Variants in NRG1 observed in about 807,000 individuals in gnomAD.
NRG1 encodes the protein neuregulin 1.
A neutral mutation model predicts 63.8 loss-of-function variants in NRG1; 18 were observed. The ratio of observed to expected loss-of-function variants is 0.28; its 90% CI spans 0.19 to 0.42. The LOEUF (loss-of-function observed/expected upper bound fraction) is 0.42, where lower values mean the gene tolerates loss of function less well. NRG1 is among the 10% of genes least tolerant of loss of function. NRG1 has a pLI of 1.00. For synonymous variants in NRG1, 302 were observed against 301.3 expected, an observed-to-expected ratio of 1.00 and a Z score of -0.02; for missense variants, 762 against 814.7, an observed-to-expected ratio of 0.94 and a Z score of 0.79.
At chr8:32,003,881 C>T (rs564464063) in intron 1 of NRG1, among the ~76,000 whole-genome samples, 17 of 151,478 alleles carry the variant, frequency 1.1e-4, no homozygotes, top group East Asian at 5.9e-4. Flanking sequence ...GAAGATAATA[C>T]GTTACTAAAG....
intron 1 of NRG1, among the ~76,000 whole-genome samples, chr8:31,659,433 C>G (rs2130927530): frequency 6.6e-6 from 1 of 152,246 alleles, no homozygotes; most frequent in East Asian, 1.9e-4. Context: ...AACCATGCGA[C>G]AAGAGGTGAT....
chr8:32,449,016 C>A (rs559175981), intron 1 of NRG1, among the ~76,000 whole-genome samples: 1 of 152,050 alleles, frequency 6.6e-6, no homozygotes, highest in Non-Finnish European at 1.5e-5. Flanking sequence ...AGCCATCGGC[C>A]GGGCATGATG....
chr8:32,139,892 G>A (rs1381079273), intron 1 of NRG1, among the ~76,000 whole-genome samples: 1 of 152,214 alleles, frequency 6.6e-6, no homozygotes, highest in Non-Finnish European at 1.5e-5. Context: ...GCTTCTGAAA[G>A]AGGTTCCTAA....
intron 1 of NRG1, among the ~76,000 whole-genome samples, chr8:32,522,939 C>G (rs937694612): frequency 6.6e-6 from 1 of 151,822 alleles, no homozygotes; most frequent in Non-Finnish European, 1.5e-5. Flanking sequence ...GTAGCTAGGA[C>G]TATAGGTGCC....
chr8:31,871,059 T>A (rs1829437197), intron 1 of NRG1, among the ~76,000 whole-genome samples: 1 of 151,838 alleles, frequency 6.6e-6, no homozygotes, highest in Non-Finnish European at 1.5e-5. Flanking sequence ...TCCCTGCAAT[T>A]TCTACCTCCT....
chr8:32,244,212 A>C (rs548835558), intron 1 of NRG1, among the ~76,000 whole-genome samples: 73 of 152,272 alleles, frequency 4.8e-4, no homozygotes, highest in African/African-American at 1.7e-3. Context: ...TAGACTTGCT[A>C]TCTTTATATT....
At chr8:32,010,617 GTCAA>G (rs1260247500) in intron 1 of NRG1, among the ~76,000 whole-genome samples, 1 of 151,992 alleles carries the variant, frequency 6.6e-6, no homozygotes, top group Non-Finnish European at 1.5e-5. Flanking sequence ...TGCTTAAAGT[GTCAA>G]TCAGTCAAAT....
chr8:32,647,754 G>A (rs769570588), intron 5 of NRG1: 15 of 1,594,976 alleles, frequency 9.4e-6, no homozygotes, highest in Non-Finnish European at 1.0e-5. Context: ...TGAGGTCGCC[G>A]CCGAGAGGTC....
chr8:32,140,229 G>T (rs1252125894), intron 1 of NRG1, among the ~76,000 whole-genome samples: 1 of 152,078 alleles, frequency 6.6e-6, no homozygotes, highest in Non-Finnish European at 1.5e-5. Flanking sequence ...TCTCTTTAAT[G>T]TCTGCAATGT....
At chr8:31,809,158 C>A (rs983799242) in intron 1 of NRG1, among the ~76,000 whole-genome samples, 2 of 151,470 alleles carry the variant, frequency 1.3e-5, no homozygotes, top group African/African-American at 2.4e-5. Flanking sequence ...AAGTAATATA[C>A]CTGTTTTTAT....
At chr8:32,740,497 A>G (rs1826073710) in intron 6 of NRG1, among the ~76,000 whole-genome samples, 1 of 151,986 alleles carries the variant, frequency 6.6e-6, no homozygotes, top group African/African-American at 2.4e-5. Flanking sequence ...GCGCCCGGCC[A>G]AGCTTATACT....
intron 1 of NRG1, among the ~76,000 whole-genome samples, chr8:31,706,550 G>A (rs1274160245): frequency 2.0e-5 from 3 of 152,068 alleles, no homozygotes; most frequent in Non-Finnish European, 4.4e-5. Flanking sequence ...TTATACAGTA[G>A]GATAATTTCC....
At chr8:31,932,097 C>T (rs572565676) in intron 1 of NRG1, among the ~76,000 whole-genome samples, 2 of 151,636 alleles carry the variant, frequency 1.3e-5, no homozygotes, top group East Asian at 3.9e-4. Flanking sequence ...CAGCCCCCCA[C>T]CCACTCAATT....
At chr8:32,375,485 T>C (rs1809503951) in intron 1 of NRG1, among the ~76,000 whole-genome samples, 1 of 152,162 alleles carries the variant, frequency 6.6e-6, no homozygotes, top group African/African-American at 2.4e-5. Flanking sequence ...CTCGGGAAAT[T>C]CAAATCTGTT....
intron 1 of NRG1, among the ~76,000 whole-genome samples, chr8:31,739,640 T>C (rs1815064561): frequency 6.6e-6 from 1 of 151,988 alleles, no homozygotes; most frequent in Non-Finnish European, 1.5e-5. Context: ...AGACATGGAG[T>C]AGCAAGAAAA....
chr8:31,846,641 A>T (rs747234393), intron 1 of NRG1, among the ~76,000 whole-genome samples: 4 of 152,208 alleles, frequency 2.6e-5, no homozygotes, highest in Non-Finnish European at 5.9e-5. Context: ...CATAATGTAC[A>T]ATGGAATGTG....
intron 1 of NRG1, among the ~76,000 whole-genome samples, chr8:32,177,419 G>A (rs997366800): frequency 3.9e-5 from 6 of 151,968 alleles, no homozygotes; most frequent in African/African-American, 1.5e-4. Context: ...CATGGCACAT[G>A]TATACATATG....
chr8:31,875,669 A>G (rs2129612090), intron 1 of NRG1, among the ~76,000 whole-genome samples: 1 of 152,300 alleles, frequency 6.6e-6, no homozygotes, highest in Admixed American at 6.5e-5. Flanking sequence ...CAAGAAGCAC[A>G]GTTTGATAGA....
At chr8:31,953,325 A>G (rs941419613) in intron 1 of NRG1, among the ~76,000 whole-genome samples, 33 of 152,216 alleles carry the variant, frequency 2.2e-4, no homozygotes, top group African/African-American at 8.0e-4. Context: ...AAATGTTACC[A>G]TCTGAGTATA....
Sources: allele counts gnomAD v4.1 joint callset (sites outside exome capture counted in the v4.1 genomes callset), GRCh38; gene constraint gnomAD v4.1.1; transcripts MANE v1.5; gene names NCBI Gene and HGNC (gene_info 2026-07-23, HGNC 2026-07-21).